The following SLC16A14 variants were observed in gnomAD, a reference collection of about 807,000 sequenced individuals.
The protein encoded by SLC16A14 is solute carrier family 16 member 14.
Under a neutral mutation model 35.8 loss-of-function variants are expected in SLC16A14, and 14 were observed. That is an observed-to-expected ratio of 0.39 (90% CI 0.26 to 0.61). The LOEUF (loss-of-function observed/expected upper bound fraction) is 0.61. Among genes scored for constraint, SLC16A14 ranks in the 20% least tolerant of loss-of-function variants. The pLI, the probability that SLC16A14 is intolerant of heterozygous loss-of-function variation, is 0.51. For missense variants in SLC16A14, 533 were observed against 655.0 expected, an observed-to-expected ratio of 0.81 and a Z score of 2.03; for synonymous variants, 248 against 258.9, an observed-to-expected ratio of 0.96 and a Z score of 0.40.
Position 230,035,740 on chromosome 2 carries a change from A to G in SLC16A14, c.*1640T>C, listed in dbSNP as rs1227975519. 15 of 152,314 alleles carry G rather than the reference A, an allele frequency of 9.8e-5. No individual in the cohort carries two copies. Among genetic ancestry groups the G allele is most frequent in the African/African-American group, 3.1e-4 (13 of 41,576 alleles). 9.4% of individuals were successfully genotyped at this position (152,314 alleles called of 1,614,324 possible). On this transcript the variant is annotated 3_prime_UTR_variant, in exon 5 of 5. Transcript: ENST00000295190. ...GTAATATTAAGTATATATATTAACC[A>G]TGCTTTTGTCTCTCCTTTCCATTAG...
intron 4 of SLC16A14, among the ~76,000 whole-genome samples, chr2:230,040,739 C>T (rs2077554793): frequency 6.6e-6 from 1 of 152,082 alleles, no homozygotes; most frequent in African/African-American, 2.4e-5. Flanking sequence ...AGGTTTTCTC[C>T]AATCCACCTT....
At chr2:230,048,522 C>T (rs1179602193) in intron 3 of SLC16A14, among the ~76,000 whole-genome samples, 1 of 152,192 alleles carries the variant, frequency 6.6e-6, no homozygotes, top group African/African-American at 2.4e-5. Context: ...CCAATATTAA[C>T]CTGTTCACTG....
rs371317232 is a variant in SLC16A14, at chr2:230,037,368, C to T, written c.*12G>A. The T allele has an allele frequency of 1.3e-6, 2 of 1,586,808 alleles. No homozygotes were observed. Among genetic ancestry groups the T allele is most frequent in the Non-Finnish European group, 8.5e-7 (1 of 1,170,148 alleles). ...GTATTACAATGAAACCTACACGGAA[C>T]ATTACATGATACTAAACATGTGCAC... On this transcript the variant is annotated 3_prime_UTR_variant, in exon 5 of 5. Coordinates refer to ENST00000295190, the MANE Select transcript of SLC16A14 (RefSeq NM_152527.5).
At chr2:230,048,288 T>C (rs1230347332) in intron 3 of SLC16A14, among the ~76,000 whole-genome samples, 1 of 152,192 alleles carries the variant, frequency 6.6e-6, no homozygotes, top group Non-Finnish European at 1.5e-5. Flanking sequence ...GTAATAATAA[T>C]GAAAAAAGAA....
rs1053558098 is a variant in SLC16A14 at position 230,045,916 on chromosome 2, T to C, written c.1210A>G (p.Thr404Ala). ...CAGATGACCGCCAGGCCAGCGTACGTGTGCATCAACGGCAGAATAAAAATA... is the reference window on the plus strand; with the variant it reads ...CAGATGACCGCCAGGCCAGCGTACGCGTGCATCAACGGCAGAATAAAAATA... ...LSIFILPLMH[T>A]YAGLAVICAL... The change falls in exon 4 of 5, where the codon ACG becomes GCG. Residue 404 changes from threonine (T) to alanine (A), a missense_variant. Thr to Ala is a moderately conservative substitution (Grantham distance 58). Coordinates refer to ENST00000295190, the MANE Select transcript of SLC16A14 (RefSeq NM_152527.5). 5.0e-6 allele frequency: 8 copies of C among 1,612,346 alleles called. No individual in the cohort carries two copies. In the African/African-American group the frequency reaches 8.0e-5, roughly 16 times the overall value.
chr2:230,054,047 A>G (rs112059488), intron 2 of SLC16A14, among the ~76,000 whole-genome samples: 6 of 145,206 alleles, frequency 4.1e-5, no homozygotes, highest in Non-Finnish European at 7.6e-5. Context: ...TTAAAAAAAA[A>G]TCCTGATACT....
intron 4 of SLC16A14, among the ~76,000 whole-genome samples, chr2:230,042,412 G>A (rs1239248456): frequency 2.0e-5 from 3 of 152,202 alleles, no homozygotes; most frequent in Non-Finnish European, 4.4e-5. Flanking sequence ...ACTCTGGTGC[G>A]TTGACTAACA....
intron 2 of SLC16A14, among the ~76,000 whole-genome samples, chr2:230,051,017 C>A (rs1370183704): frequency 1.3e-5 from 2 of 152,214 alleles, no homozygotes; most frequent in Non-Finnish European, 2.9e-5. Context: ...CTGGTGTGCA[C>A]AGTCTCTGAC....
intron 3 of SLC16A14, among the ~76,000 whole-genome samples, chr2:230,047,933 A>G (rs957922450): frequency 6.6e-6 from 1 of 152,204 alleles, no homozygotes; most frequent in Non-Finnish European, 1.5e-5. Flanking sequence ...CCTTCAATCA[A>G]TGGTTTTTAA....
At chr2:230,059,848 G>C (rs1055512722) in intron 1 of SLC16A14, among the ~76,000 whole-genome samples, 1 of 152,194 alleles carries the variant, frequency 6.6e-6, no homozygotes, top group Non-Finnish European at 1.5e-5. Flanking sequence ...CTCAGTTTTT[G>C]TGGGTGCAAG....
chr2:230,054,358 T>C (rs2077687914), intron 2 of SLC16A14, among the ~76,000 whole-genome samples: 1 of 152,232 alleles, frequency 6.6e-6, no homozygotes, highest in African/African-American at 2.4e-5. Context: ...CCTTTCCTTT[T>C]ATTCCTAAGC....
In SLC16A14 at chr2:230,052,038, GC is replaced by G. The variant is rs1248813753; in HGVS notation, c.260-2135del. On this transcript the variant is annotated intron_variant, in intron 2 of 4. Coordinates refer to ENST00000295190, the MANE Select transcript of SLC16A14 (RefSeq NM_152527.5). Reference sequence around the variant, plus strand: ...TGCAAGCTCCGCCTCCCGGGTTCGCGCCATTCTCCTGCCTCAGCCTCCCGTG... The same window carrying G: ...TGCAAGCTCCGCCTCCCGGGTTCGCGCATTCTCCTGCCTCAGCCTCCCGTG... Among the ~76,000 whole-genome samples the G allele has an allele frequency of 2.0e-5, 3 of 151,590 alleles. No individual in the cohort carries two copies. In the East Asian group the frequency reaches 5.8e-4, roughly 30 times the overall value.
At chr2:230,042,132 T>C (rs1368176329) in intron 4 of SLC16A14, among the ~76,000 whole-genome samples, 2 of 152,226 alleles carry the variant, frequency 1.3e-5, no homozygotes, top group African/African-American at 2.4e-5. Flanking sequence ...GGGGTTTCCA[T>C]AGCAGCATAT....
chr2:230,045,547 G>C (rs760902289), intron 4 of SLC16A14, 198 bp downstream of exon 4: 1 of 619,274 alleles, frequency 1.6e-6, no homozygotes, highest in Admixed American at 3.2e-5. Context: ...GCGATAGAGC[G>C]AGACTCCGTC....
In SLC16A14 at chr2:230,038,583, T is replaced by C. The variant is rs1391002198; in HGVS notation, c.1382-1052A>G. ...ATTCATTTTTTTCCCTTTTAGTAAGTACATTAATTAGCAGAGACTTAAAAT... is the reference window on the plus strand; with the variant it reads ...ATTCATTTTTTTCCCTTTTAGTAAGCACATTAATTAGCAGAGACTTAAAAT... On this transcript the variant is annotated intron_variant, in intron 4 of 4. Coordinates refer to ENST00000295190, the MANE Select transcript of SLC16A14 (RefSeq NM_152527.5). The surrounding 1 kb of genome is among the most constrained non-coding windows in gnomAD (Gnocchi z 4.4). 6.6e-6 allele frequency among the ~76,000 whole-genome samples: 1 copy of C among 152,084 alleles called. No individual in the cohort carries two copies. Among genetic ancestry groups the C allele is most frequent in the African/African-American group, 2.4e-5 (1 of 41,418 alleles).
chr2:230,049,904 C>A lies in SLC16A14; in HGVS notation c.260G>T (p.Gly87Val). ...SLSMGITLIVGPFIGLFINTC... is the reference protein window; with the variant it reads ...SLSMGITLIVVPFIGLFINTC... ...GTTAATGAACAAGCCGATGAAAGGG[C>A]CTGTCACAGAGCATTGGAAAAGGAA... Residue 87 changes from glycine to valine, a missense_variant and splice_region_variant, in exon 3 of 5, where the codon GGC becomes GTC. Physicochemically the swap from Gly to Val is moderately radical, Grantham distance 109. Coordinates refer to ENST00000295190, the MANE Select transcript of SLC16A14 (RefSeq NM_152527.5). 6.2e-7 allele frequency: 1 copy of A among 1,613,812 alleles called. No individual in the cohort carries two copies. Among genetic ancestry groups the A allele is most frequent in the Non-Finnish European group, 8.5e-7 (1 of 1,179,784 alleles).
At position 230,068,195 on chromosome 2, in the gene SLC16A14, C is replaced by G. The variant is rs577398435; in HGVS notation, c.-15+360G>C. 1.3e-5 allele frequency: 2 copies of G among 152,512 alleles called. No homozygotes were observed. Among genetic ancestry groups the G allele is most frequent in the East Asian group, 3.9e-4 (2 of 5,182 alleles). The allele number at this position is 152,512 out of a possible 1,614,324, so 9.4% of individuals were successfully genotyped here. On this transcript the variant is annotated intron_variant, in intron 1 of 4. Coordinates refer to ENST00000295190, the MANE Select transcript of SLC16A14 (RefSeq NM_152527.5). The surrounding 1 kb of genome is among the most constrained non-coding windows in gnomAD (Gnocchi z 5.1). Reference sequence around the variant, plus strand: ...GCAGCCGGGCAGCGAGGCTGGGCTCCGGGCAGAACGCGCTTCTCCAGCCGG... The same window carrying G: ...GCAGCCGGGCAGCGAGGCTGGGCTCGGGGCAGAACGCGCTTCTCCAGCCGG...
chr2:230,041,127 A>T (rs1277480625), intron 4 of SLC16A14, among the ~76,000 whole-genome samples: 1 of 152,206 alleles, frequency 6.6e-6, no homozygotes, highest in Non-Finnish European at 1.5e-5. Flanking sequence ...GAGTCTGTCA[A>T]ATAAGTAATA....
rs747965315 is a variant in SLC16A14, at chr2:230,049,851, T to G, written c.313A>C (p.Ile105Leu). Residue 105 changes from isoleucine to leucine, a missense_variant, in exon 3 of 5, where the codon ATT (isoleucine) becomes CTT (leucine). Coordinates refer to ENST00000295190, the MANE Select transcript of SLC16A14 (RefSeq NM_152527.5). ...CCCAGGGAGTTGACGAGCCCTCCAA[T>G]GATCGCAGTCTGGCGGCACCCACAG... Reference protein sequence around the residue: ...NTCGCRQTAIIGGLVNSLGWV... With the variant: ...NTCGCRQTAILGGLVNSLGWV... 1 of 1,614,114 alleles carries G rather than the reference T, an allele frequency of 6.2e-7. No homozygotes were observed. The highest frequency in any genetic ancestry group is 8.5e-7 in the Non-Finnish European group (1 of 1,180,016).
Sources: allele counts gnomAD v4.1 joint callset (sites outside exome capture counted in the v4.1 genomes callset), GRCh38; gene constraint gnomAD v4.1.1; non-coding constraint Gnocchi (gnomAD v3.1); transcripts MANE v1.5; gene names NCBI Gene and HGNC (gene_info 2026-07-23, HGNC 2026-07-21).